The following SYT14 variants were observed in gnomAD, a reference collection of about 807,000 sequenced individuals.
SYT14 encodes the protein synaptotagmin-14.
SYT14 carries 32 observed loss-of-function variants against 74.2 expected under a neutral mutation model. That is an observed-to-expected ratio of 0.43 (90% CI 0.33 to 0.58). SYT14 has a LOEUF of 0.58. Among genes scored for constraint, SYT14 ranks in the 20% least tolerant of loss-of-function variants. The pLI is 0.05. For missense variants in SYT14, 791 were observed against 981.8 expected (o/e 0.81, Z 2.60); for synonymous variants, 298 against 337.7 (o/e 0.88, Z 1.29).
At chr1:210,140,155 C>T (rs181583794) in intron 7 of SYT14, among the ~76,000 whole-genome samples, 1 of 152,232 alleles carries the variant, frequency 6.6e-6, no homozygotes, top group Admixed American at 6.5e-5. Flanking sequence ...AGCTATCCTA[C>T]TGGGTATAAA....
intron 5 of SYT14, among the ~76,000 whole-genome samples, chr1:210,028,281 CACATA>C (rs2080456838): frequency 1.3e-5 from 2 of 152,064 alleles, no homozygotes; most frequent in South Asian, 2.1e-4. Context: ...TGGTAAAATA[CACATA>C]ACATAAAATT....
intron 2 of SYT14, among the ~76,000 whole-genome samples, chr1:209,996,212 CAA>C (rs2079788258): frequency 6.6e-6 from 1 of 151,966 alleles, no homozygotes; most frequent in South Asian, 2.1e-4. Flanking sequence ...AAAAATTAAA[CAA>C]GACTCATAGA....
intron 1 of SYT14, among the ~76,000 whole-genome samples, chr1:209,947,692 G>C (rs2078844419): frequency 1.3e-5 from 2 of 152,200 alleles, no homozygotes; most frequent in South Asian, 4.1e-4. Context: ...ACACTTAGTT[G>C]ATAAAGAAAC....
chr1:209,954,964 C>T (rs1437026523), intron 2 of SYT14, among the ~76,000 whole-genome samples: 1 of 152,096 alleles, frequency 6.6e-6, no homozygotes, highest in East Asian at 1.9e-4. Flanking sequence ...CCTCGGCCTC[C>T]CCAAATTCTG....
At chr1:209,981,275 T>C (rs2079479411) in intron 2 of SYT14, among the ~76,000 whole-genome samples, 1 of 152,176 alleles carries the variant, frequency 6.6e-6, no homozygotes, top group African/African-American at 2.4e-5. Flanking sequence ...ATTTCCATGT[T>C]TAGAATTCCA....
At chr1:209,994,171 CA>C (rs1455268092) in intron 2 of SYT14, among the ~76,000 whole-genome samples, 1 of 152,106 alleles carries the variant, frequency 6.6e-6, no homozygotes. Context: ...AAATAACAGT[CA>C]TAGAATTCAG....
intron 5 of SYT14, among the ~76,000 whole-genome samples, chr1:210,032,695 T>TTAATAGTTAC (rs1385203308): frequency 2.0e-5 from 3 of 150,662 alleles, no homozygotes; most frequent in Non-Finnish European, 3.0e-5. Flanking sequence ...AGTGTAAATA[T>TTAATAGTTAC]TAATAGTTAC....
chr1:210,059,449 T>TAGAGAGAGAG (rs796666013), intron 5 of SYT14, among the ~76,000 whole-genome samples: 230 of 89,662 alleles, frequency 2.6e-3, no homozygotes, highest in African/African-American at 7.0e-3. Context: ...TATATATATA[T>TAGAGAGAGAG]ATAGAGAGAG....
At position 209,976,689 on chromosome 1, in the gene SYT14, G is replaced by A. The variant is rs148518288; in HGVS notation, c.-486+23933G>A. Among the ~76,000 whole-genome samples the A allele has an allele frequency of 7.8e-3, 1,190 of 152,268 alleles. 21 individuals are homozygous for A. Among genetic ancestry groups the A allele is most frequent in the African/African-American group, 0.027 (1,136 of 41,536 alleles). ...GAAGAATGTATGTTCTGTTGATTTG[G>A]GGTGGAGAGTTCTGTAGATGTGTAT... On this transcript the variant is annotated intron_variant, in intron 2 of 9. Transcript: ENST00000637265.
Position 210,145,693 on chromosome 1 carries a change from A to C in SYT14, c.2035-10028A>C, listed in dbSNP as rs181462547. Among the ~76,000 whole-genome samples, 57 of 152,154 alleles carry C rather than the reference A, an allele frequency of 3.7e-4. 1 individual carries two copies. The highest frequency in any genetic ancestry group is 1.2e-3 in the Admixed American group (19 of 15,292). On this transcript the variant is annotated intron_variant, in intron 7 of 9. Transcript: ENST00000637265. ...CATCTGCATTTTCCACCCCCTCCCCATATACACATGCCACTCCAGACCAGT... is the reference window on the plus strand; with the variant it reads ...CATCTGCATTTTCCACCCCCTCCCCCTATACACATGCCACTCCAGACCAGT...
chr1:210,012,851 G>A (rs2080111574), intron 2 of SYT14, among the ~76,000 whole-genome samples: 1 of 151,632 alleles, frequency 6.6e-6, no homozygotes, highest in South Asian at 2.1e-4. Flanking sequence ...ACAGGTGCCC[G>A]CCACTACACC....
At chr1:209,963,655 G>T (rs2102722575) in intron 2 of SYT14, among the ~76,000 whole-genome samples, 1 of 152,204 alleles carries the variant, frequency 6.6e-6, no homozygotes, top group Middle Eastern at 3.4e-3. Flanking sequence ...ACTGAAATAT[G>T]ACTCATCTTT....
rs537066282 is a variant in SYT14 at position 210,137,312 on chromosome 1, C to T, written c.2035-18409C>T. 3.9e-5 allele frequency among the ~76,000 whole-genome samples: 6 copies of T among 152,254 alleles called. No individual in the cohort carries two copies. The East Asian group carries it at 9.7e-4, about 25-fold the overall frequency. ...CAGTTACCATACCCCCACCAAAAAT[C>T]ATCACCATCCCACTGGCACTCTTCC... On this transcript the variant is annotated intron_variant, in intron 7 of 9. Transcript: ENST00000637265.
chr1:209,982,188 C>T lies in SYT14; in HGVS notation c.-486+29432C>T, dbSNP rs1295738235. ...TTATTATTTTTTAAATAGGGTCTCA[C>T]TCTGTAACCCAAGCTGGAGTGCAGT... is the stretch of plus-strand genomic sequence containing the variant. On this transcript the variant is annotated intron_variant, in intron 2 of 9. Transcript: ENST00000637265. Among the ~76,000 whole-genome samples, 3 of 152,096 alleles carry T rather than the reference C, an allele frequency of 2.0e-5. No individual in the cohort carries two copies. The East Asian group carries it at 5.8e-4, about 29-fold the overall frequency.
intron 6 of SYT14, among the ~76,000 whole-genome samples, chr1:210,095,310 CTG>C (rs376014806): frequency 3.3e-5 from 5 of 152,322 alleles, no homozygotes; most frequent in African/African-American, 1.2e-4. Context: ...GAGTCTGTCT[CTG>C]TCACTCAGAA....
At chr1:210,126,196 C>CG (rs1223069103) in intron 7 of SYT14, among the ~76,000 whole-genome samples, 1 of 151,448 alleles carries the variant, frequency 6.6e-6, no homozygotes, top group Non-Finnish European at 1.5e-5. Context: ...AGTGAGACTC[C>CG]GTCTCAAGAA....
chr1:210,119,156 T>C (rs2082412381), intron 7 of SYT14, among the ~76,000 whole-genome samples: 1 of 152,208 alleles, frequency 6.6e-6, no homozygotes, highest in South Asian at 2.1e-4. Context: ...ATCTTTCCTC[T>C]GAATTTAGCA....
chr1:210,099,220 A>G (rs1032671477), intron 6 of SYT14, among the ~76,000 whole-genome samples: 6 of 152,276 alleles, frequency 3.9e-5, no homozygotes, highest in Admixed American at 6.5e-5. Context: ...TAAAACCCCT[A>G]TTACATTCTA....
exon 10 of SYT14, chr1:210,162,191 T>C (rs1461064172): frequency 2.3e-6 from 1 of 434,340 alleles, no homozygotes; most frequent in East Asian, 7.1e-5. Context: ...AACTAGACTT[T>C]ATGAAATTAA....
Sources: gnomAD v4.1 joint callset for allele counts (sites outside exome capture counted in the v4.1 genomes callset) on GRCh38, gnomAD v4.1.1 for gene constraint, MANE v1.5 for transcripts, NCBI Gene and HGNC (gene_info 2026-07-23, HGNC 2026-07-21) for gene names.